PKP2: variants seen among roughly 807,000 people sequenced by gnomAD.
The protein encoded by PKP2 is plakophilin 2.
A neutral mutation model predicts 83.4 loss-of-function variants in PKP2; 73 were observed. The observed-to-expected ratio is 0.88, with a 90% confidence interval of 0.72 to 1.06. The LOEUF (loss-of-function observed/expected upper bound fraction) is 1.06. PKP2 is among the 50% of genes least tolerant of loss of function. PKP2 has a pLI of 0.00. For synonymous variants in PKP2, 409 were observed against 430.4 expected, an observed-to-expected ratio of 0.95 and a Z score of 0.62; for missense variants, 966 against 1,065.4, an observed-to-expected ratio of 0.91 and a Z score of 1.30.
At chr12:32,799,425 C>A (rs991537828) in intron 10 of PKP2, among the ~76,000 whole-genome samples, 3 of 152,182 alleles carry the variant, frequency 2.0e-5, no homozygotes, top group Non-Finnish European at 2.9e-5. Context: ...CCAGCAATAC[C>A]ACTACTGGGT....
At chr12:32,876,978 T>C (rs1956938726) in intron 3 of PKP2, among the ~76,000 whole-genome samples, 1 of 152,260 alleles carries the variant, frequency 6.6e-6, no homozygotes, top group Non-Finnish European at 1.5e-5. Flanking sequence ...AGTAGTTTAT[T>C]AATGATGCTA....
intron 6 of PKP2, among the ~76,000 whole-genome samples, chr12:32,825,340 T>C (rs1239710075): frequency 6.6e-6 from 1 of 151,916 alleles, no homozygotes; most frequent in African/African-American, 2.4e-5. Context: ...AGCTAATTTT[T>C]GTATTTTTAG....
chr12:32,876,779 C>T (rs1179778434), intron 3 of PKP2, among the ~76,000 whole-genome samples: 1 of 152,222 alleles, frequency 6.6e-6, no homozygotes, highest in Non-Finnish European at 1.5e-5. Flanking sequence ...ATTCGCTCGC[C>T]TGGGCATCCC....
chr12:32,802,323 G>T, intron 10 of PKP2, 80 bp downstream of exon 10: 2 of 1,395,264 alleles, frequency 1.4e-6, no homozygotes, highest in Non-Finnish European at 2.0e-6. Context: ...CTTTGTGAAC[G>T]GGAGGTGATA....
chr12:32,869,092 T>G (rs1357253441), intron 3 of PKP2, 30 bp from the exon 4 acceptor site: 1 of 1,612,814 alleles, frequency 6.2e-7, no homozygotes, highest in Admixed American at 1.7e-5. Flanking sequence ...TTCAGCCAGA[T>G]TCCAAACCTC....
chr12:32,830,805 C>G (rs752863993), intron 6 of PKP2, among the ~76,000 whole-genome samples: 1 of 151,814 alleles, frequency 6.6e-6, no homozygotes, highest in Non-Finnish European at 1.5e-5. Flanking sequence ...ACTTGGGAGG[C>G]TGAGGCAGGA....
At chr12:32,795,069 A>T (rs74072936) in intron 11 of PKP2, among the ~76,000 whole-genome samples, 4,152 of 152,342 alleles carry the variant, frequency 0.027, 207 homozygotes, top group African/African-American at 0.096. Context: ...ATTTGTAATA[A>T]GTCAAACAAT....
chr12:32,890,089 A>AG (rs1161624395), intron 1 of PKP2, among the ~76,000 whole-genome samples: 1 of 151,188 alleles, frequency 6.6e-6, no homozygotes, highest in Non-Finnish European at 1.5e-5. Context: ...AAAAAAAAAA[A>AG]AAAAAAAAGA....
chr12:32,819,911 T>C (rs2137768301), intron 9 of PKP2, among the ~76,000 whole-genome samples: 1 of 148,628 alleles, frequency 6.7e-6, no homozygotes, highest in South Asian at 2.2e-4. Context: ...TTAATTTTCT[T>C]TTATGTTAGC....
chr12:32,840,877 TA>T (rs1565586693), intron 6 of PKP2, 150 bp downstream of exon 6: 3 of 671,328 alleles, frequency 4.5e-6, no homozygotes, highest in Non-Finnish European at 7.7e-6. Flanking sequence ...GACTCTGTTT[TA>T]AAAAAGATAA....
chr12:32,859,780 C>G (rs1352895766), intron 4 of PKP2, among the ~76,000 whole-genome samples: 2 of 151,862 alleles, frequency 1.3e-5, no homozygotes, highest in Non-Finnish European at 2.9e-5. Flanking sequence ...GATTGGACAA[C>G]TATTAGTCTT....
chr12:32,796,378 A>G, intron 10 of PKP2, 80 bp from the exon 11 acceptor site: 1 of 1,248,948 alleles, frequency 8.0e-7, no homozygotes, highest in Non-Finnish European at 1.1e-6. Context: ...ATTTTGGGTG[A>G]AGAACATTCT....
At position 32,791,289 on chromosome 12, in the gene PKP2, T is replaced by G. The variant is rs1415482658; in HGVS notation, c.*1135A>C. ...ATGGTCTTGACACATTCTTACATCT[T>G]CTTCAACATGACTTCTTCACTTTTC... On this transcript the variant is annotated 3_prime_UTR_variant, in exon 13 of 13. Coordinates refer to ENST00000340811, the MANE Select transcript of PKP2 (RefSeq NM_001005242.3). 6.6e-6 allele frequency: 1 copy of G among 152,238 alleles called. No individual in the cohort carries two copies. The highest frequency in any genetic ancestry group is 2.4e-5 in the African/African-American group (1 of 41,460). The allele number at this position is 152,238 out of a possible 1,614,324, so 9.4% of individuals were successfully genotyped here.
chr12:32,883,766 C>T (rs1362828291), intron 1 of PKP2, among the ~76,000 whole-genome samples: 1 of 152,124 alleles, frequency 6.6e-6, no homozygotes. Context: ...GCCTGTTTCC[C>T]GTAATTCCAG....
chr12:32,844,111 A>G (rs1164065539), intron 5 of PKP2, among the ~76,000 whole-genome samples: 2 of 152,228 alleles, frequency 1.3e-5, no homozygotes, highest in Non-Finnish European at 2.9e-5. Context: ...AGAGCTTGCC[A>G]TGCTCCATTA....
chr12:32,850,651 C>A, intron 5 of PKP2, 115 bp downstream of exon 5: 2 of 803,174 alleles, frequency 2.5e-6, no homozygotes, highest in African/African-American at 1.7e-5. Flanking sequence ...CCTTCTCTAG[C>A]ATAACAATGA....
At chr12:32,804,588 A>G (rs998478857) in intron 9 of PKP2, among the ~76,000 whole-genome samples, 12 of 152,184 alleles carry the variant, frequency 7.9e-5, no homozygotes, top group Non-Finnish European at 5.9e-5. Flanking sequence ...TGCCAAGGAT[A>G]ACAGCCTCCA....
chr12:32,798,772 T>A (rs1956154039), intron 10 of PKP2, among the ~76,000 whole-genome samples: 1 of 152,212 alleles, frequency 6.6e-6, no homozygotes, highest in Non-Finnish European at 1.5e-5. Context: ...CAACTCAAGA[T>A]GGATCAAAGA....
Position 32,896,769 on chromosome 12 carries a change from T to G in PKP2, c.-38A>C, listed in dbSNP as rs983256266. 3.5e-6 allele frequency: 4 copies of G among 1,156,808 alleles called. No homozygotes were observed. The highest frequency in any genetic ancestry group is 1.6e-5 in the African/African-American group (1 of 61,984). The allele number at this position is 1,156,808 out of a possible 1,614,324, so 71.7% of individuals were successfully genotyped here. ...GGCGACCGAGCTGCTCGCCTGCCTC[T>G]GGACTCGCGGGCGAAGCCGCCACGG... On this transcript the variant is annotated 5_prime_UTR_variant, in exon 1 of 13. Transcript: ENST00000340811.
Sources: gnomAD v4.1 joint callset for allele counts (sites outside exome capture counted in the v4.1 genomes callset) on GRCh38, gnomAD v4.1.1 for gene constraint, MANE v1.5 for transcripts, NCBI Gene and HGNC (gene_info 2026-07-23, HGNC 2026-07-21) for gene names.